The following ANO4 variants were observed in gnomAD, a reference collection of about 807,000 sequenced individuals.
ANO4 encodes anoctamin-4.
ANO4 carries 69 observed loss-of-function variants against 141.9 expected under a neutral mutation model. That is an observed-to-expected ratio of 0.49 (90% confidence interval 0.40 to 0.59). The LOEUF (loss-of-function observed/expected upper bound fraction) is 0.59. Ranked by LOEUF, ANO4 falls within the 20% of genes least tolerant of loss-of-function variation. The pLI, the probability that ANO4 is intolerant of heterozygous loss-of-function variation, is 0.00. For synonymous variants in ANO4, 350 were observed against 394.3 expected (o/e 0.89, Z 1.33); for missense variants, 894 against 1,162.2 (o/e 0.77, Z 3.36).
At chr12:101,120,725 T>C (rs1425392722) in intron 26 of ANO4, 100 bp downstream of exon 26, 5 of 918,368 alleles carry the variant, frequency 5.4e-6, no homozygotes, top group Admixed American at 4.3e-5. Context: ...TGTGATTATC[T>C]ATATTTCCAG....
intron 5 of ANO4, among the ~76,000 whole-genome samples, chr12:100,961,417 C>T (rs1217005616): frequency 6.6e-6 from 1 of 152,154 alleles, no homozygotes; most frequent in Non-Finnish European, 1.5e-5. Flanking sequence ...TGTTATGTAT[C>T]CTTATGAGGC....
chr12:100,739,970 A>C (rs73145643), exon 3 of ANO4: 144,807 of 702,298 alleles, frequency 0.21, 16,808 homozygotes, highest in Non-Finnish European at 0.25. Context: ...AGATGCAGGC[A>C]TCCCTGTGTA....
intron 26 of ANO4, 102 bp from the exon 27 acceptor site, chr12:101,126,777 C>G: frequency 9.0e-7 from 1 of 1,106,778 alleles, no homozygotes; most frequent in Admixed American, 2.4e-5. Flanking sequence ...ACTTTGCACT[C>G]TCCACATACC....
chr12:100,853,351 A>G (rs551515758), intron 1 of ANO4, among the ~76,000 whole-genome samples: 79 of 152,232 alleles, frequency 5.2e-4, no homozygotes, highest in Non-Finnish European at 8.4e-4. Flanking sequence ...TGTTTAAGAA[A>G]TATTTCCTTA....
chr12:100,984,419 A>T (rs2044619567), intron 7 of ANO4, among the ~76,000 whole-genome samples: 1 of 152,142 alleles, frequency 6.6e-6, no homozygotes, highest in African/African-American at 2.4e-5. Context: ...ACAGTTTTTT[A>T]AAAAGCCCAG....
chr12:100,786,464 G>A (rs1051689627), intron 3 of ANO4, among the ~76,000 whole-genome samples: 1 of 152,108 alleles, frequency 6.6e-6, no homozygotes, highest in Admixed American at 6.6e-5. Flanking sequence ...TCTGCATTGG[G>A]GCAGGGCACT....
At chr12:100,872,120 C>T (rs1175646300) in intron 1 of ANO4, among the ~76,000 whole-genome samples, 1 of 152,192 alleles carries the variant, frequency 6.6e-6, no homozygotes, top group African/African-American at 2.4e-5. Context: ...GATTAACTTT[C>T]TCAATATTAT....
chr12:100,777,810 T>C (rs2033575766), intron 3 of ANO4, among the ~76,000 whole-genome samples: 1 of 152,210 alleles, frequency 6.6e-6, no homozygotes, highest in Non-Finnish European at 1.5e-5. Context: ...ATTTGCTGTC[T>C]TAATATTCAC....
chr12:100,753,352 C>A (rs909115003), intron 3 of ANO4, among the ~76,000 whole-genome samples: 1 of 152,208 alleles, frequency 6.6e-6, no homozygotes, highest in African/African-American at 2.4e-5. Flanking sequence ...CGTACATGAT[C>A]TCTTTCACCC....
chr12:100,742,164 C>T (rs1290593488), intron 3 of ANO4, among the ~76,000 whole-genome samples: 1 of 152,172 alleles, frequency 6.6e-6, no homozygotes, highest in South Asian at 2.1e-4. Flanking sequence ...GCCTGGACAT[C>T]CAAATATATA....
intron 18 of ANO4, among the ~76,000 whole-genome samples, chr12:101,095,012 GA>G (rs1284985061): frequency 6.6e-6 from 1 of 152,058 alleles, no homozygotes; most frequent in Non-Finnish European, 1.5e-5. Flanking sequence ...TCAAAATAAA[GA>G]AATTGTCCCA....
chr12:101,090,357 A>G (rs941580366), intron 17 of ANO4, among the ~76,000 whole-genome samples: 1 of 152,242 alleles, frequency 6.6e-6, no homozygotes, highest in Non-Finnish European at 1.5e-5. Context: ...CCAAATCTCC[A>G]TCAATGGTAG....
At chr12:100,941,377 A>C (rs765652570) in intron 4 of ANO4, among the ~76,000 whole-genome samples, 8 of 152,168 alleles carry the variant, frequency 5.3e-5, no homozygotes, top group Non-Finnish European at 8.8e-5. Flanking sequence ...TCGTAGTCTT[A>C]ACAACTTATA....
At chr12:100,863,169 A>G (rs1225356796) in intron 1 of ANO4, among the ~76,000 whole-genome samples, 1 of 152,186 alleles carries the variant, frequency 6.6e-6, no homozygotes, top group Admixed American at 6.6e-5. Flanking sequence ...ATTGGGGATC[A>G]GAGCAGGATG....
intron 3 of ANO4, among the ~76,000 whole-genome samples, chr12:100,929,880 T>C (rs1457556497): frequency 6.6e-6 from 1 of 152,154 alleles, no homozygotes; most frequent in Non-Finnish European, 1.5e-5. Context: ...CTGAACATTT[T>C]ACAATGAGAT....
At chr12:100,742,997 C>T (rs942383854) in intron 3 of ANO4, among the ~76,000 whole-genome samples, 1 of 152,062 alleles carries the variant, frequency 6.6e-6, no homozygotes. Context: ...ATCCATCTAT[C>T]CATCCATCCA....
intron 1 of ANO4, among the ~76,000 whole-genome samples, chr12:100,800,210 G>A (rs10778077): frequency 0.76 from 115,610 of 152,066 alleles, 44,644 homozygotes; most frequent in East Asian, 0.94. Context: ...TGATTTCTAT[G>A]TAGAGGGGGT....
rs1429985939 is a variant in ANO4, at chr12:101,128,184, C to G, written c.*328C>G. 1 of 152,522 alleles carries G rather than the reference C, an allele frequency of 6.6e-6. No individual in the cohort carries two copies. Among genetic ancestry groups the G allele is most frequent in the Non-Finnish European group, 1.5e-5 (1 of 68,008 alleles). 9.4% of individuals were successfully genotyped at this position (152,522 alleles called of 1,614,324 possible). Reference sequence around the variant, plus strand: ...GCCTGTTTTTCAGCCTGTTTGCTACCTTTTTTGCATTCTATCCCATGTGAA... The same window carrying G: ...GCCTGTTTTTCAGCCTGTTTGCTACGTTTTTTGCATTCTATCCCATGTGAA... On this transcript the variant is annotated 3_prime_UTR_variant, in exon 28 of 28. Transcript: ENST00000392977.
chr12:100,933,790 A>G (rs1055059635), intron 3 of ANO4, among the ~76,000 whole-genome samples: 1 of 151,780 alleles, frequency 6.6e-6, no homozygotes, highest in Non-Finnish European at 1.5e-5. Flanking sequence ...GTTTCCTGCC[A>G]TTCTAACTGG....
Sources: allele counts gnomAD v4.1 joint callset (sites outside exome capture counted in the v4.1 genomes callset), GRCh38; gene constraint gnomAD v4.1.1; transcripts MANE v1.5; gene names NCBI Gene and HGNC (gene_info 2026-07-23, HGNC 2026-07-21).